The following CLPB variants were observed in gnomAD, a reference collection of about 807,000 sequenced individuals.
The protein encoded by CLPB is ClpB family mitochondrial disaggregase.
In CLPB, 40 loss-of-function variants were observed where a neutral mutation model predicts 78.4. The observed-to-expected ratio is 0.51, with a 90% CI of 0.40 to 0.66. The LOEUF (loss-of-function observed/expected upper bound fraction) is 0.66, where lower values mean the gene tolerates loss of function less well. CLPB is among the 30% of genes least tolerant of loss of function. CLPB has a pLI of 0.00. For missense variants in CLPB, 780 were observed against 886.9 expected (o/e 0.88, Z 1.53); for synonymous variants, 333 against 348.0 (o/e 0.96, Z 0.48).
intron 4 of CLPB, chr11:72,372,808 G>C: frequency 1.1e-6 from 1 of 896,160 alleles, no homozygotes; most frequent in South Asian, 1.4e-5. Flanking sequence ...GGTTAGGCTG[G>C]GCACACAGTG....
rs569222815 is a variant in CLPB, at chr11:72,427,463, C to T, written c.455+2849G>A. Reference sequence around the variant, plus strand: ...CGCTACACAATGATGTGTTTGTTAACGATAGACTGCATGTATGAGGTGGTC... The same window carrying T: ...CGCTACACAATGATGTGTTTGTTAATGATAGACTGCATGTATGAGGTGGTC... On this transcript the variant is annotated intron_variant, in intron 2 of 15. Transcript: ENST00000538039. Among the ~76,000 whole-genome samples the T allele has an allele frequency of 2.6e-5, 4 of 152,262 alleles. No individual in the cohort carries two copies. In the South Asian group the frequency reaches 6.2e-4, roughly 24 times the overall value.
chr11:72,409,511 G>C (rs1855812003), intron 2 of CLPB, among the ~76,000 whole-genome samples: 1 of 152,000 alleles, frequency 6.6e-6, no homozygotes, highest in Non-Finnish European at 1.5e-5. Flanking sequence ...TTGAACTCGG[G>C]AGACAGAGGT....
intron 3 of CLPB, among the ~76,000 whole-genome samples, chr11:72,390,212 C>A (rs1356104800): frequency 6.6e-6 from 1 of 151,710 alleles, no homozygotes; most frequent in African/African-American, 2.4e-5. Flanking sequence ...CTGAGGCGAG[C>A]AGATCACTTG....
At chr11:72,297,636 GGTGTGTGT>G (rs67807556) in intron 11 of CLPB, among the ~76,000 whole-genome samples, 4,514 of 93,186 alleles carry the variant, frequency 0.048, 151 homozygotes, top group Non-Finnish European at 0.058. Flanking sequence ...TTGGGGACCA[GGTGTGTGT>G]GTGTGTGTGT....
intron 5 of CLPB, among the ~76,000 whole-genome samples, chr11:72,341,537 C>T (rs1307930189): frequency 6.6e-6 from 1 of 152,184 alleles, no homozygotes; most frequent in Admixed American, 6.5e-5. Flanking sequence ...TGAGTTGGAT[C>T]TTGAAGGCTA....
intron 2 of CLPB, among the ~76,000 whole-genome samples, chr11:72,412,246 G>C (rs979285263): frequency 1.3e-5 from 2 of 152,170 alleles, no homozygotes; most frequent in African/African-American, 2.4e-5. Context: ...GGCCTAGCTG[G>C]GGACCCTTCC....
chr11:72,396,081 CTGT>C (rs1312436277), intron 3 of CLPB, among the ~76,000 whole-genome samples: 1 of 152,122 alleles, frequency 6.6e-6, no homozygotes, highest in African/African-American at 2.4e-5. Context: ...TAAATGACTG[CTGT>C]GAGAGGGAAT....
intron 2 of CLPB, among the ~76,000 whole-genome samples, chr11:72,426,825 C>T (rs963096604): frequency 1.3e-5 from 2 of 152,186 alleles, no homozygotes; most frequent in South Asian, 2.1e-4. Flanking sequence ...ATATAAAGAA[C>T]AGTGTGGCAA....
intron 5 of CLPB, among the ~76,000 whole-genome samples, chr11:72,357,415 A>C (rs903688017): frequency 1.3e-5 from 2 of 152,202 alleles, no homozygotes; most frequent in Non-Finnish European, 2.9e-5. Flanking sequence ...CTCATTAAAA[A>C]GATGTTTCAA....
At chr11:72,338,402 T>C (rs1006781358) in intron 5 of CLPB, among the ~76,000 whole-genome samples, 1 of 151,932 alleles carries the variant, frequency 6.6e-6, no homozygotes, top group South Asian at 2.1e-4. Flanking sequence ...AGACTATGAG[T>C]AGGAGAGTGG....
chr11:72,433,746 G>A (rs1856616896), intron 1 of CLPB, among the ~76,000 whole-genome samples: 2 of 151,904 alleles, frequency 1.3e-5, no homozygotes, highest in Non-Finnish European at 2.9e-5. Flanking sequence ...GGAGATCTCA[G>A]GAAAGAGGAA....
chr11:72,419,188 G>A (rs951927352), intron 2 of CLPB, among the ~76,000 whole-genome samples: 10 of 152,198 alleles, frequency 6.6e-5, no homozygotes, highest in Non-Finnish European at 1.5e-4. Context: ...AATTCCTTGG[G>A]AGAAAAATTC....
chr11:72,302,462 G>C lies in CLPB; in HGVS notation c.1123-114C>G, dbSNP rs1002295568. ...AGGCTTTCACACCACACCAACATAA[G>C]ATCTTCTATCTCACGCTCAAGATGT... On this transcript the variant is annotated intron_variant, in intron 9 of 15. Transcript: ENST00000538039. The C allele has an allele frequency of 1.0e-5, 9 of 873,726 alleles. No homozygotes were observed. The South Asian group carries it at 1.2e-4, about 12-fold the overall frequency. The allele number at this position is 873,726 out of a possible 1,614,324, so 54.1% of individuals were successfully genotyped here.
intron 11 of CLPB, among the ~76,000 whole-genome samples, chr11:72,301,434 CAT>C (rs1301732185): frequency 6.6e-6 from 1 of 152,334 alleles, no homozygotes; most frequent in African/African-American, 2.4e-5. Context: ...TCGTTTGTCA[CAT>C]GAGATCTCTG....
At chr11:72,418,214 T>G (rs1856080125) in intron 2 of CLPB, among the ~76,000 whole-genome samples, 1 of 152,192 alleles carries the variant, frequency 6.6e-6, no homozygotes, top group South Asian at 2.1e-4. Flanking sequence ...AGACTCCATC[T>G]GTACCATGTG....
chr11:72,424,234 G>C lies in CLPB; in HGVS notation c.455+6078C>G, dbSNP rs561682128. Reference sequence around the variant, plus strand: ...ATCATATTTTTATGCAAAATGTATCGGGCCCAGAGAGACCTGAGTATAGGC... The same window carrying C: ...ATCATATTTTTATGCAAAATGTATCCGGCCCAGAGAGACCTGAGTATAGGC... On this transcript the variant is annotated intron_variant, in intron 2 of 15. Transcript: ENST00000538039. Among the ~76,000 whole-genome samples the C allele has an allele frequency of 1.6e-4, 24 of 152,080 alleles. No homozygotes were observed. In the East Asian group the frequency reaches 4.4e-3, roughly 28 times the overall value.
Position 72,295,548 on chromosome 11 carries a change from A to C in CLPB, c.1430T>G (p.Leu477Arg), listed in dbSNP as rs1217606598. Residue 477 changes from leucine to arginine, a missense_variant, in exon 12 of 16, where the codon CTG (leucine) becomes CGG (arginine). Coordinates refer to ENST00000538039, the MANE Select transcript of CLPB (RefSeq NM_001258392.3). ...CTCCAAAGCTTCCTGCCTCAGCTGC[A>C]GCGCGTGCTGTGCGATCTCGTCGCT... is the stretch of plus-strand genomic sequence containing the variant. ...VASDEIAQHA[L>R]QLRQEALEMS... is the part of the protein sequence containing the mutation. The C allele has an allele frequency of 1.2e-6, 2 of 1,614,086 alleles. No homozygotes were observed. The highest frequency in any genetic ancestry group is 1.7e-5 in the Admixed American group (1 of 60,000).
chr11:72,395,713 T>G (rs906890059), intron 3 of CLPB, among the ~76,000 whole-genome samples: 1 of 152,156 alleles, frequency 6.6e-6, no homozygotes, highest in African/African-American at 2.4e-5. Context: ...CAAGAATAGG[T>G]TAGAAGACGG....
chr11:72,403,096 C>G (rs1473063036), intron 2 of CLPB, 44 bp from the exon 3 acceptor site: 5 of 1,552,208 alleles, frequency 3.2e-6, no homozygotes, highest in Non-Finnish European at 4.4e-6. Context: ...GGCTTGACAT[C>G]TGCACCTTCT....
Sources: gnomAD v4.1 joint callset for allele counts (sites outside exome capture counted in the v4.1 genomes callset) on GRCh38, gnomAD v4.1.1 for gene constraint, MANE v1.5 for transcripts, NCBI Gene and HGNC (gene_info 2026-07-23, HGNC 2026-07-21) for gene names.